Variants in VEPH1 observed in about 807,000 individuals in gnomAD.
VEPH1 encodes ventricular zone expressed PH domain containing 1, also known as ventricular zone-expressed PH domain-containing protein homolog 1.
A neutral mutation model predicts 85.2 loss-of-function variants in VEPH1; 80 were observed. The ratio of observed to expected loss-of-function variants is 0.94; its 90% confidence interval spans 0.78 to 1.13. VEPH1 has a LOEUF of 1.13. Ranked by LOEUF, VEPH1 falls within the 50% of genes most tolerant of loss-of-function variation. The probability of loss-of-function intolerance (pLI) is 0.00; values close to 1 mark genes in which losing one functional copy is unlikely to be tolerated. For synonymous variants in VEPH1, 297 were observed against 348.0 expected, an observed-to-expected ratio of 0.85 and a Z score of 1.63; for missense variants, 955 against 980.5, an observed-to-expected ratio of 0.97 and a Z score of 0.35.
intron 9 of VEPH1, among the ~76,000 whole-genome samples, chr3:157,344,177 G>A (rs2108663994): frequency 6.6e-6 from 1 of 152,284 alleles, no homozygotes; most frequent in Non-Finnish European, 1.5e-5. Context: ...GTTCTGGCCA[G>A]GGCAATCAGG....
intron 4 of VEPH1, chr3:157,437,523 C>A: frequency 6.2e-7 from 1 of 1,605,626 alleles, no homozygotes. Context: ...CCACGCCGTG[C>A]GCCTGCGGTC....
chr3:157,313,894 G>T, intron 10 of VEPH1, 139 bp from the exon 11 acceptor site: 1 of 1,123,824 alleles, frequency 8.9e-7, no homozygotes, highest in Non-Finnish European at 1.2e-6. Flanking sequence ...AAAAAGATCT[G>T]TCTTAAAGAT....
chr3:157,376,893 C>T (rs12632681), intron 7 of VEPH1, among the ~76,000 whole-genome samples: 12,869 of 152,152 alleles, frequency 0.085, 754 homozygotes, highest in East Asian at 0.16. Context: ...TTTCAAGCTC[C>T]CTTCACTTAT....
chr3:157,364,539 G>T (rs760522578), intron 7 of VEPH1, 27 bp from the exon 8 acceptor site: 150 of 1,595,954 alleles, frequency 9.4e-5, no homozygotes, highest in Non-Finnish European at 1.2e-4. Context: ...CATTGCATTA[G>T]ATGCAGGTCA....
chr3:157,343,251 A>G (rs1723794814), intron 9 of VEPH1, among the ~76,000 whole-genome samples: 1 of 152,182 alleles, frequency 6.6e-6, no homozygotes, highest in South Asian at 2.1e-4. Context: ...TGGTTTTTTG[A>G]AAAGATCAAC....
intron 12 of VEPH1, among the ~76,000 whole-genome samples, chr3:157,278,094 TA>T (rs1268792810): frequency 6.6e-6 from 1 of 152,196 alleles, no homozygotes; most frequent in Non-Finnish European, 1.5e-5. Context: ...TAGAACTTAC[TA>T]TTTACTGGAG....
intron 7 of VEPH1, 88 bp from the exon 8 acceptor site, chr3:157,364,600 G>T: frequency 1.6e-6 from 2 of 1,267,514 alleles, no homozygotes; most frequent in Non-Finnish European, 2.2e-6. Flanking sequence ...CTCTCACTCA[G>T]AAGCAAAAGC....
intron 7 of VEPH1, among the ~76,000 whole-genome samples, chr3:157,369,185 A>AC (rs1727145900): frequency 2.9e-5 from 4 of 140,242 alleles, no homozygotes; most frequent in African/African-American, 1.1e-4. Flanking sequence ...CAAATGAAAA[A>AC]AAAAAAAAAA....
chr3:157,294,095 A>G (rs1717842428), intron 11 of VEPH1, among the ~76,000 whole-genome samples: 1 of 152,230 alleles, frequency 6.6e-6, no homozygotes, highest in Non-Finnish European at 1.5e-5. Context: ...TATTTGTGGT[A>G]CTATACTACA....
At chr3:157,334,489 A>G (rs1577365220) in intron 9 of VEPH1, among the ~76,000 whole-genome samples, 2 of 152,306 alleles carry the variant, frequency 1.3e-5, no homozygotes, top group East Asian at 1.9e-4. Flanking sequence ...CTGTAACAAC[A>G]TGAACAGCCA....
At chr3:157,261,735 A>T (rs1712934543) in intron 13 of VEPH1, among the ~76,000 whole-genome samples, 1 of 152,154 alleles carries the variant, frequency 6.6e-6, no homozygotes. Context: ...GGAGGCATGA[A>T]ATTGAATTTT....
At chr3:157,327,591 T>G (rs2108584136) in intron 9 of VEPH1, among the ~76,000 whole-genome samples, 1 of 152,268 alleles carries the variant, frequency 6.6e-6, no homozygotes, top group Middle Eastern at 3.4e-3. Flanking sequence ...ATCAGGGAAC[T>G]TTAGAAACAC....
chr3:157,270,878 C>T (rs1714457937), intron 12 of VEPH1, among the ~76,000 whole-genome samples: 1 of 151,790 alleles, frequency 6.6e-6, no homozygotes, highest in Non-Finnish European at 1.5e-5. Context: ...CCACATGTTA[C>T]AGCATTTGAA....
intron 9 of VEPH1, among the ~76,000 whole-genome samples, chr3:157,349,029 A>C (rs990933193): frequency 6.6e-6 from 1 of 152,242 alleles, no homozygotes; most frequent in Non-Finnish European, 1.5e-5. Flanking sequence ...CTGATACCAA[A>C]ACCAGACAAG....
At chr3:157,379,668 G>C (rs1728541839) in intron 7 of VEPH1, among the ~76,000 whole-genome samples, 1 of 152,112 alleles carries the variant, frequency 6.6e-6, no homozygotes, top group Admixed American at 6.5e-5. Flanking sequence ...TGGAATTCTT[G>C]TTTCACACTG....
At chr3:157,352,921 T>C (rs1191004996) in intron 9 of VEPH1, among the ~76,000 whole-genome samples, 1 of 151,974 alleles carries the variant, frequency 6.6e-6, no homozygotes, top group African/African-American at 2.4e-5. Flanking sequence ...GCAGGGCAGG[T>C]AAAGGGAGGA....
intron 1 of VEPH1, among the ~76,000 whole-genome samples, chr3:157,501,069 C>T (rs1187374789): frequency 6.6e-6 from 1 of 152,222 alleles, no homozygotes; most frequent in African/African-American, 2.4e-5. Flanking sequence ...CCAGTTAACA[C>T]ATCCCCATGC....
intron 12 of VEPH1, among the ~76,000 whole-genome samples, chr3:157,283,979 A>G (rs1210805357): frequency 6.6e-6 from 1 of 152,182 alleles, no homozygotes; most frequent in African/African-American, 2.4e-5. Context: ...CATAGTACTC[A>G]GTTGGGCATA....
rs1553773117 is a variant in VEPH1, at chr3:157,369,192, A to AAAAAAAAAAAAAAAAAAAAC, written c.1128-4681_1128-4680insGTTTTTTTTTTTTTTTTTTT. Reference sequence around the variant, plus strand: ...ACAAAAACCAAATGAAAAAAAAAAAAAAAAAAAAAAAACCTCCTGAGGTCT... The same window carrying AAAAAAAAAAAAAAAAAAAAC: ...ACAAAAACCAAATGAAAAAAAAAAAAAAAAAAAAAAAAAAAAAAACAAAAAAAAAAAACCTCCTGAGGTCT... On this transcript the variant is annotated intron_variant, in intron 7 of 13. Coordinates refer to ENST00000362010, the MANE Select transcript of VEPH1 (RefSeq NM_001167912.2). Among the ~76,000 whole-genome samples, 33 of 142,772 alleles carry AAAAAAAAAAAAAAAAAAAAC rather than the reference A, an allele frequency of 2.3e-4. 1 individual carries two copies. Among genetic ancestry groups the AAAAAAAAAAAAAAAAAAAAC allele is most frequent in the East Asian group, 6.3e-4 (3 of 4,800 alleles). 93.7% of individuals were successfully genotyped at this position (142,772 alleles called of 152,430 possible).
Sources: gnomAD v4.1 joint callset for allele counts (sites outside exome capture counted in the v4.1 genomes callset) on GRCh38, gnomAD v4.1.1 for gene constraint, MANE v1.5 for transcripts, NCBI Gene and HGNC (gene_info 2026-07-23, HGNC 2026-07-21) for gene names.